OPCML: variants seen among roughly 807,000 people sequenced by gnomAD.
The protein encoded by OPCML is opioid binding protein/cell adhesion molecule like.
A neutral mutation model predicts 37.8 loss-of-function variants in OPCML; 13 were observed. The ratio of observed to expected loss-of-function variants is 0.34; its 90% CI spans 0.22 to 0.55. The LOEUF is 0.55. Ranked by LOEUF, OPCML falls within the 20% of genes least tolerant of loss-of-function variation. OPCML has a pLI of 0.91. For synonymous variants in OPCML, 176 were observed against 168.8 expected, an observed-to-expected ratio of 1.04 and a Z score of -0.33; for missense variants, 341 against 435.6, an observed-to-expected ratio of 0.78 and a Z score of 1.93.
intron 1 of OPCML, among the ~76,000 whole-genome samples, chr11:133,195,970 C>A (rs2136310342): frequency 6.6e-6 from 1 of 152,306 alleles, no homozygotes; most frequent in Non-Finnish European, 1.5e-5. Flanking sequence ...CTTCCTTGAG[C>A]TTAAGGGCTC....
chr11:132,676,789 GA>G (rs1196087295), intron 2 of OPCML, among the ~76,000 whole-genome samples: 7,843 of 93,654 alleles, frequency 0.084, 528 homozygotes, highest in African/African-American at 0.22. Flanking sequence ...AAACAAACAA[GA>G]AAAAAAAAAA....
intron 1 of OPCML, among the ~76,000 whole-genome samples, chr11:133,496,108 C>A (rs1337199931): frequency 6.6e-6 from 1 of 152,148 alleles, no homozygotes; most frequent in Non-Finnish European, 1.5e-5. Flanking sequence ...TAGTTTCATT[C>A]TCCTACATGT....
chr11:132,712,486 GTTTC>G (rs1178915998), intron 2 of OPCML, among the ~76,000 whole-genome samples: 2 of 152,194 alleles, frequency 1.3e-5, no homozygotes, highest in African/African-American at 2.4e-5. Flanking sequence ...CGGGCACACT[GTTTC>G]TTTCTTTTTA....
intron 3 of OPCML, among the ~76,000 whole-genome samples, chr11:132,596,206 A>G (rs2060413734): frequency 6.6e-6 from 1 of 152,200 alleles, no homozygotes; most frequent in African/African-American, 2.4e-5. Flanking sequence ...AAAGTTAAAT[A>G]ATCAATAAAA....
chr11:133,516,649 C>T (rs76471104), intron 1 of OPCML, among the ~76,000 whole-genome samples: 6,529 of 152,216 alleles, frequency 0.043, 193 homozygotes, highest in South Asian at 0.097. Context: ...AAAGCTAAGG[C>T]CTCAGTGTCC....
chr11:132,637,465 G>C (rs940274639), intron 3 of OPCML, among the ~76,000 whole-genome samples: 2 of 152,132 alleles, frequency 1.3e-5, no homozygotes, highest in Non-Finnish European at 2.9e-5. Context: ...TTGAGCCACA[G>C]CTTCAAAATA....
intron 3 of OPCML, 33 bp from the exon 4 acceptor site, chr11:132,529,219 G>A (rs1196191183): frequency 1.3e-6 from 2 of 1,566,904 alleles, no homozygotes; most frequent in African/African-American, 1.4e-5. Context: ...AAATACCTGA[G>A]AATAATTCTT....
At chr11:133,252,715 G>C (rs919899851) in intron 1 of OPCML, among the ~76,000 whole-genome samples, 3 of 152,100 alleles carry the variant, frequency 2.0e-5, no homozygotes, top group African/African-American at 4.8e-5. Flanking sequence ...ACAGCCACTC[G>C]GGCTTTTTTT....
chr11:132,993,610 G>A (rs1324616846), intron 1 of OPCML, among the ~76,000 whole-genome samples: 3 of 152,122 alleles, frequency 2.0e-5, no homozygotes, highest in African/African-American at 7.2e-5. Flanking sequence ...CTTACAAAGG[G>A]CAGAACACAC....
At chr11:132,909,478 C>T (rs951466647) in intron 2 of OPCML, among the ~76,000 whole-genome samples, 1 of 152,192 alleles carries the variant, frequency 6.6e-6, no homozygotes, top group Admixed American at 6.5e-5. Context: ...GGCAGCCCAC[C>T]CCAACCCAAT....
chr11:133,175,463 G>T (rs1193672530), intron 1 of OPCML, among the ~76,000 whole-genome samples: 1 of 146,676 alleles, frequency 6.8e-6, no homozygotes, highest in Non-Finnish European at 1.5e-5. Flanking sequence ...AGGTCTACAA[G>T]TGTAACGGAA....
intron 4 of OPCML, among the ~76,000 whole-genome samples, chr11:132,453,712 C>T (rs1164604693): frequency 2.0e-5 from 3 of 152,122 alleles, no homozygotes; most frequent in African/African-American, 7.2e-5. Flanking sequence ...GGGCGTGGGG[C>T]TGGTACAAAG....
chr11:133,063,976 C>A (rs950139069), intron 1 of OPCML, among the ~76,000 whole-genome samples: 1 of 152,252 alleles, frequency 6.6e-6, no homozygotes, highest in Admixed American at 6.5e-5. Context: ...GATCACTTGA[C>A]TGTGTCAGTT....
intron 1 of OPCML, among the ~76,000 whole-genome samples, chr11:133,021,938 T>C (rs565853476): frequency 1.3e-5 from 2 of 152,196 alleles, no homozygotes; most frequent in African/African-American, 4.8e-5. Flanking sequence ...TCTAAGCACA[T>C]GCAGTGATCT....
At chr11:133,062,592 C>T (rs974790936) in intron 1 of OPCML, among the ~76,000 whole-genome samples, 3 of 152,098 alleles carry the variant, frequency 2.0e-5, no homozygotes, top group Non-Finnish European at 4.4e-5. Context: ...TAGGTTCCAA[C>T]CCTTCATCCC....
intron 4 of OPCML, among the ~76,000 whole-genome samples, chr11:132,490,787 G>T (rs1183811393): frequency 6.6e-6 from 1 of 150,794 alleles, no homozygotes; most frequent in African/African-American, 2.4e-5. Flanking sequence ...CTCCAGCCTG[G>T]GTGACAGAGC....
At chr11:132,473,766 C>T (rs959687875) in intron 4 of OPCML, among the ~76,000 whole-genome samples, 6 of 152,088 alleles carry the variant, frequency 3.9e-5, no homozygotes, top group African/African-American at 1.4e-4. Flanking sequence ...ATCGAGGCTG[C>T]AGTGAGCCAA....
In OPCML at chr11:133,031,666, G is replaced by A. The variant is rs1023377765; in HGVS notation, c.62-88656C>T. Among the ~76,000 whole-genome samples, 5 of 152,158 alleles carry A rather than the reference G, an allele frequency of 3.3e-5. No individual in the cohort carries two copies. The South Asian group carries it at 1.0e-3, about 32-fold the overall frequency. On this transcript the variant is annotated intron_variant, in intron 1 of 7. Coordinates refer to ENST00000524381, the MANE Select transcript of OPCML (RefSeq NM_001012393.5). ...TGGGAAGTTGCCAGGGTGTGAGCAT[G>A]GTAATAAAAAAAGTGGCTATAGGTT... is the stretch of plus-strand genomic sequence containing the variant.
At chr11:133,150,404 C>A (rs180831768) in intron 1 of OPCML, among the ~76,000 whole-genome samples, 1 of 152,144 alleles carries the variant, frequency 6.6e-6, no homozygotes, top group African/African-American at 2.4e-5. Context: ...GATGCAGGTG[C>A]GAAATGGTGC....
Sources: gnomAD v4.1 joint callset for allele counts (sites outside exome capture counted in the v4.1 genomes callset) on GRCh38, gnomAD v4.1.1 for gene constraint, MANE v1.5 for transcripts, NCBI Gene and HGNC (gene_info 2026-07-23, HGNC 2026-07-21) for gene names.